Variants in OSBPL2 observed in about 807,000 individuals in gnomAD.
OSBPL2 encodes the protein oxysterol binding protein like 2, also known as oxysterol-binding protein-related protein 2.
A neutral mutation model predicts 58.4 loss-of-function variants in OSBPL2; 18 were observed. The observed-to-expected ratio is 0.31, with a 90% CI of 0.21 to 0.46. The LOEUF (loss-of-function observed/expected upper bound fraction) is 0.46, where lower values mean the gene tolerates loss of function less well. Ranked by LOEUF, OSBPL2 falls within the 20% of genes least tolerant of loss-of-function variation. The pLI, the probability that OSBPL2 is intolerant of heterozygous loss-of-function variation, is 1.00. For missense variants in OSBPL2, 461 were observed against 616.5 expected, an observed-to-expected ratio of 0.75 and a Z score of 2.67; for synonymous variants, 221 against 234.1, an observed-to-expected ratio of 0.94 and a Z score of 0.51.
intron 4 of OSBPL2, among the ~76,000 whole-genome samples, chr20:62,267,907 G>A (rs1461772591): frequency 6.6e-6 from 1 of 151,912 alleles, no homozygotes; most frequent in Non-Finnish European, 1.5e-5. Context: ...TTTTTTGAGG[G>A]AGTCTCGCTC....
intron 1 of OSBPL2, among the ~76,000 whole-genome samples, chr20:62,243,031 CT>C (rs1229936726): frequency 6.6e-6 from 1 of 152,194 alleles, no homozygotes; most frequent in African/African-American, 2.4e-5. Context: ...AAAGAGCCCC[CT>C]GTAACCTGGG....
chr20:62,263,718 A>G (rs761121569), intron 4 of OSBPL2, 27 bp downstream of exon 4: 11 of 1,587,914 alleles, frequency 6.9e-6, no homozygotes, highest in African/African-American at 1.3e-5. Flanking sequence ...GTGTTCACAC[A>G]TGGGGCTGCA....
At chr20:62,281,709 C>A in intron 8 of OSBPL2, 81 bp from the exon 9 acceptor site, 2 of 1,046,642 alleles carry the variant, frequency 1.9e-6, no homozygotes, top group Non-Finnish European at 1.5e-6. Flanking sequence ...GGGGCCTCCA[C>A]CGCGCTTCTC....
chr20:62,279,542 G>A, intron 7 of OSBPL2: 1 of 584,442 alleles, frequency 1.7e-6, no homozygotes, highest in Non-Finnish European at 3.0e-6. Context: ...GTCTGCAGTT[G>A]GAATTCGCCC....
chr20:62,271,723 A>AT, intron 4 of OSBPL2: 1 of 186,882 alleles, frequency 5.4e-6, no homozygotes, highest in Non-Finnish European at 1.1e-5. Flanking sequence ...GGGTGCTTGG[A>AT]TTTTAGGTGT....
chr20:62,261,681 C>T (rs1319490758), intron 3 of OSBPL2, among the ~76,000 whole-genome samples: 3 of 152,212 alleles, frequency 2.0e-5, no homozygotes, highest in Non-Finnish European at 2.9e-5. Context: ...GCAACATGCC[C>T]GTCTACCCAA....
At chr20:62,263,096 C>T (rs1266554836) in intron 3 of OSBPL2, among the ~76,000 whole-genome samples, 1 of 152,134 alleles carries the variant, frequency 6.6e-6, no homozygotes, top group African/African-American at 2.4e-5. Context: ...GGGTGAGGGT[C>T]TCCTGGTGCA....
At chr20:62,246,102 G>A (rs1185997497) in intron 1 of OSBPL2, among the ~76,000 whole-genome samples, 4 of 152,248 alleles carry the variant, frequency 2.6e-5, no homozygotes, top group Non-Finnish European at 4.4e-5. Context: ...CTGGACCTGC[G>A]CCTGGGGCTG....
chr20:62,268,852 T>G (rs2145946483), intron 4 of OSBPL2, among the ~76,000 whole-genome samples: 1 of 152,206 alleles, frequency 6.6e-6, no homozygotes, highest in Admixed American at 6.5e-5. Flanking sequence ...AGTCAGGAGT[T>G]CGAGACCAGT....
At chr20:62,255,244 C>A (rs995573058) in intron 1 of OSBPL2, 1 of 151,928 alleles carries the variant, frequency 6.6e-6, no homozygotes, top group Non-Finnish European at 1.5e-5. Flanking sequence ...ATTACAGGTG[C>A]CTGCCACCAC....
At chr20:62,262,746 G>A (rs998066855) in intron 3 of OSBPL2, among the ~76,000 whole-genome samples, 1 of 152,168 alleles carries the variant, frequency 6.6e-6, no homozygotes, top group African/African-American at 2.4e-5. Context: ...CACTCTGGAG[G>A]TCAGAGTGTT....
chr20:62,260,246 G>GGGAGGCCAGA, intron 3 of OSBPL2, 121 bp downstream of exon 3: 1 of 920,728 alleles, frequency 1.1e-6, no homozygotes, highest in Non-Finnish European at 1.7e-6. Flanking sequence ...CAGCTGTCTG[G>GGGAGGCCAGA]CCTCCCCATC....
chr20:62,266,636 G>A (rs1241739534), intron 4 of OSBPL2, among the ~76,000 whole-genome samples: 3 of 151,658 alleles, frequency 2.0e-5, no homozygotes, highest in Non-Finnish European at 4.4e-5. Flanking sequence ...CTGCAGTGAC[G>A]GGCTGTGGCT....
At chr20:62,282,820 C>T (rs953726715) in intron 9 of OSBPL2, among the ~76,000 whole-genome samples, 4 of 152,210 alleles carry the variant, frequency 2.6e-5, no homozygotes, top group African/African-American at 7.2e-5. Context: ...AAGCAAGAGG[C>T]TGTCTCAAAA....
intron 1 of OSBPL2, among the ~76,000 whole-genome samples, chr20:62,247,661 CT>C (rs1201219222): frequency 6.6e-6 from 1 of 150,416 alleles, no homozygotes; most frequent in Non-Finnish European, 1.5e-5. Context: ...AGGGTCCTTT[CT>C]TTCTTTCTTT....
chr20:62,261,184 T>C (rs1193646946), intron 3 of OSBPL2, among the ~76,000 whole-genome samples: 1 of 151,918 alleles, frequency 6.6e-6, no homozygotes, highest in African/African-American at 2.4e-5. Context: ...GGCGTGGCTG[T>C]GCGCATCTGT....
In OSBPL2 at chr20:62,281,665, C is replaced by T. The variant is rs2085412417; in HGVS notation, c.783-125C>T. 1.2e-5 allele frequency: 8 copies of T among 666,552 alleles called. No individual in the cohort carries two copies. In the Admixed American group the frequency reaches 1.8e-4, roughly 15 times the overall value. The allele number at this position is 666,552 out of a possible 1,614,324, so 41.3% of individuals were successfully genotyped here. On this transcript the variant is annotated intron_variant, in intron 8 of 13. Transcript: ENST00000313733. ...CACTTCCATCGCCCCAAAGGCCCAC[C>T]ACACCCATTTGCAGTCACCCCCCGC... is the stretch of plus-strand genomic sequence containing the variant.
intron 9 of OSBPL2, 44 bp downstream of exon 9, chr20:62,281,923 G>A: frequency 7.4e-7 from 1 of 1,359,444 alleles, no homozygotes; most frequent in Non-Finnish European, 1.1e-6. Flanking sequence ...TACAGCCTGT[G>A]TGTCCACGTT....
intron 4 of OSBPL2, among the ~76,000 whole-genome samples, chr20:62,268,473 C>A (rs1177462553): frequency 7.9e-5 from 12 of 152,202 alleles, no homozygotes. Context: ...CGTCACACAG[C>A]TGATTCTACA....
Sources: gnomAD v4.1 joint callset for allele counts (sites outside exome capture counted in the v4.1 genomes callset) on GRCh38, gnomAD v4.1.1 for gene constraint, MANE v1.5 for transcripts, NCBI Gene and HGNC (gene_info 2026-07-23, HGNC 2026-07-21) for gene names.